Variants in DOK5 observed in about 807,000 individuals in gnomAD.
DOK5 encodes the protein downstream of tyrosine kinase 5.
In DOK5, 27 loss-of-function variants were observed where a neutral mutation model predicts 43.3. The ratio of observed to expected loss-of-function variants is 0.62; its 90% CI spans 0.46 to 0.86. The LOEUF is 0.86. DOK5 is among the 40% of genes least tolerant of loss of function. The pLI is 0.00. For missense variants in DOK5, 373 were observed against 392.9 expected, an observed-to-expected ratio of 0.95 and a Z score of 0.43; for synonymous variants, 146 against 140.1, an observed-to-expected ratio of 1.04 and a Z score of -0.30.
At chr20:54,507,503 A>C (rs1408358717) in intron 1 of DOK5, among the ~76,000 whole-genome samples, 1 of 152,250 alleles carries the variant, frequency 6.6e-6, no homozygotes, top group Non-Finnish European at 1.5e-5. Flanking sequence ...CTAAGGCATC[A>C]AAAATCCGGT....
chr20:54,502,519 G>A (rs911467213), intron 1 of DOK5, among the ~76,000 whole-genome samples: 4 of 152,046 alleles, frequency 2.6e-5, no homozygotes, highest in African/African-American at 7.2e-5. Context: ...TCTCTCACCC[G>A]TCTACCCAGA....
chr20:54,638,690 C>T (rs1032078921), intron 6 of DOK5, among the ~76,000 whole-genome samples: 1 of 151,202 alleles, frequency 6.6e-6, no homozygotes, highest in Admixed American at 6.6e-5. Flanking sequence ...TATACGGGGT[C>T]AGGAGTATGG....
intron 5 of DOK5, among the ~76,000 whole-genome samples, chr20:54,596,716 C>T (rs1986153198): frequency 6.6e-6 from 1 of 152,112 alleles, no homozygotes; most frequent in South Asian, 2.1e-4. Flanking sequence ...TGGAATAGTG[C>T]CTGAATGTAG....
chr20:54,598,187 T>C (rs1455760255), intron 5 of DOK5, among the ~76,000 whole-genome samples: 1 of 152,206 alleles, frequency 6.6e-6, no homozygotes, highest in Non-Finnish European at 1.5e-5. Flanking sequence ...TATTCTCTAT[T>C]TTTTGAGGAA....
Position 54,591,752 on chromosome 20 carries a change from C to T in DOK5, c.546C>T (p.Ser182=), listed in dbSNP as rs745360851. The change falls in exon 5 of 8, where the codon AGC becomes AGT. Residue 182 remains serine (S), a synonymous_variant. Transcript: ENST00000262593. Reference sequence around the variant, plus strand: ...TCAAACTCATCTCTTGGCCGCTAAGCGCCCTGCGGCGGTATGGACGTGATA... The same window carrying T: ...TCAAACTCATCTCTTGGCCGCTAAGTGCCCTGCGGCGGTATGGACGTGATA... ...PRVKLISWPL[S]ALRRYGRDTT... is the part of the protein sequence containing the mutation. 5 of 1,614,192 alleles carry T rather than the reference C, an allele frequency of 3.1e-6. No individual in the cohort carries two copies. Among genetic ancestry groups the T allele is most frequent in the South Asian group, 2.2e-5 (2 of 91,082 alleles).
At chr20:54,627,920 G>A (rs1048814492) in intron 6 of DOK5, among the ~76,000 whole-genome samples, 2 of 152,154 alleles carry the variant, frequency 1.3e-5, no homozygotes, top group African/African-American at 2.4e-5. Context: ...AAGTGTGACC[G>A]TCTCAAGAAG....
intron 6 of DOK5, among the ~76,000 whole-genome samples, chr20:54,637,946 C>T (rs536273654): frequency 1.3e-5 from 2 of 152,204 alleles, no homozygotes; most frequent in South Asian, 4.2e-4. Context: ...CACGGTGAAA[C>T]CCCGTCTCTA....
At chr20:54,518,379 G>C (rs113275520) in intron 1 of DOK5, among the ~76,000 whole-genome samples, 1 of 151,830 alleles carries the variant, frequency 6.6e-6, no homozygotes. Flanking sequence ...GTGGTGTTTG[G>C]TTTTTTGTCC....
chr20:54,504,341 GATAACTA>G (rs374569608), intron 1 of DOK5, among the ~76,000 whole-genome samples: 79 of 152,268 alleles, frequency 5.2e-4, no homozygotes, highest in African/African-American at 1.8e-3. Context: ...CACTGCAAAA[GATAACTA>G]AAAATAAATA....
At chr20:54,570,743 C>T (rs1985256958) in intron 2 of DOK5, among the ~76,000 whole-genome samples, 1 of 151,990 alleles carries the variant, frequency 6.6e-6, no homozygotes, top group Non-Finnish European at 1.5e-5. Context: ...CAGGAATATG[C>T]CAGTTCCTGA....
rs147846152 is a variant in DOK5, at chr20:54,519,552, T to A, written c.67-35381T>A. 7.9e-5 allele frequency among the ~76,000 whole-genome samples: 12 copies of A among 152,318 alleles called. No individual in the cohort carries two copies. In the East Asian group the frequency reaches 2.3e-3, roughly 29 times the overall value. ...CAAGATTTTTAAAATTTCTACAGAATAGCAAAAATAGTTTCATCATTTAGG... is the reference window on the plus strand; with the variant it reads ...CAAGATTTTTAAAATTTCTACAGAAAAGCAAAAATAGTTTCATCATTTAGG... On this transcript the variant is annotated intron_variant, in intron 1 of 7. Coordinates refer to ENST00000262593, the MANE Select transcript of DOK5 (RefSeq NM_018431.5).
At chr20:54,638,051 G>A (rs1346377915) in intron 6 of DOK5, among the ~76,000 whole-genome samples, 2 of 151,708 alleles carry the variant, frequency 1.3e-5, no homozygotes, top group Admixed American at 6.6e-5. Context: ...GAACCCGGGA[G>A]GCGGAGCTTG....
chr20:54,513,672 G>T lies in DOK5; in HGVS notation c.66+37660G>T, dbSNP rs565670777. Among the ~76,000 whole-genome samples, 265 of 152,258 alleles carry T rather than the reference G, an allele frequency of 1.7e-3. 1 individual carries two copies. Among genetic ancestry groups the T allele is most frequent in the African/African-American group, 6.0e-3 (251 of 41,536 alleles). On this transcript the variant is annotated intron_variant, in intron 1 of 7. Transcript: ENST00000262593. ...GATTATTAAAGTTGAAGAAGAGTGG[G>T]CTGTGCATTGGCTAATTAATAGTTT...
At chr20:54,521,080 C>T (rs979195060) in intron 1 of DOK5, among the ~76,000 whole-genome samples, 6 of 151,956 alleles carry the variant, frequency 3.9e-5, no homozygotes, top group African/African-American at 1.5e-4. Flanking sequence ...TTGAATGGTG[C>T]CTGCTTGAGG....
At chr20:54,570,088 A>G (rs188402852) in intron 2 of DOK5, among the ~76,000 whole-genome samples, 21 of 152,326 alleles carry the variant, frequency 1.4e-4, no homozygotes, top group Non-Finnish European at 2.4e-4. Flanking sequence ...GGCACTGTAT[A>G]TTTAAGCCAT....
At position 54,610,386 on chromosome 20, in the gene DOK5, A is replaced by G. The variant is rs965527723; in HGVS notation, c.600-2A>G. 2.6e-6 allele frequency: 4 copies of G among 1,512,334 alleles called. No individual in the cohort carries two copies. The highest frequency in any genetic ancestry group is 3.5e-6 in the Non-Finnish European group (4 of 1,131,364). 93.7% of individuals were successfully genotyped at this position (1,512,334 alleles called of 1,614,324 possible). On this transcript the variant is annotated splice_acceptor_variant, in intron 5 of 7. Coordinates refer to ENST00000262593, the MANE Select transcript of DOK5 (RefSeq NM_018431.5). LOFTEE classifies it high-confidence loss of function. Reference sequence around the variant, plus strand: ...GAAGCTGTTTTGTTTTTGTTTTCACAGGATGTGTGAGACTGGTGAAGGGCT... The same window carrying G: ...GAAGCTGTTTTGTTTTTGTTTTCACGGGATGTGTGAGACTGGTGAAGGGCT...
chr20:54,565,748 C>G lies in DOK5; in HGVS notation c.174+10708C>G, dbSNP rs114052556. On this transcript the variant is annotated intron_variant, in intron 2 of 7. Coordinates refer to ENST00000262593, the MANE Select transcript of DOK5 (RefSeq NM_018431.5). The stretch of plus-strand genomic sequence containing the variant: ...CATTAAGATACTGAACATGGTCGGG[C>G]GCAGTGGCTCAGGCCTGTAATCCCG... Among the ~76,000 whole-genome samples, 1,083 of 152,112 alleles carry G rather than the reference C, an allele frequency of 7.1e-3. 10 individuals are homozygous for G. The highest frequency in any genetic ancestry group is 0.025 in the African/African-American group (1,023 of 41,488).
chr20:54,608,706 T>C (rs533181011), intron 5 of DOK5, among the ~76,000 whole-genome samples: 170 of 151,266 alleles, frequency 1.1e-3, no homozygotes, highest in South Asian at 4.6e-3. Context: ...CACCTCTCTC[T>C]GTCACCCAGG....
At chr20:54,580,350 T>A (rs1985597602) in intron 2 of DOK5, among the ~76,000 whole-genome samples, 1 of 152,208 alleles carries the variant, frequency 6.6e-6, no homozygotes, top group Non-Finnish European at 1.5e-5. Context: ...TTCAATTTTT[T>A]TGAATAAATA....
Sources: allele counts gnomAD v4.1 joint callset (sites outside exome capture counted in the v4.1 genomes callset), GRCh38; gene constraint gnomAD v4.1.1; transcripts MANE v1.5; gene names NCBI Gene and HGNC (gene_info 2026-07-23, HGNC 2026-07-21).